RUVBL2: variants seen among roughly 807,000 people sequenced by gnomAD.
The protein encoded by RUVBL2 is RuvB like AAA ATPase 2, also known as ruvB-like 2.
In RUVBL2, 9 loss-of-function variants were observed where a neutral mutation model predicts 57.9. The observed-to-expected ratio is 0.16, with a 90% CI of 0.09 to 0.27. RUVBL2 has a LOEUF of 0.27. Ranked by LOEUF, RUVBL2 falls within the 10% of genes least tolerant of loss-of-function variation. The pLI is 1.00. For missense variants in RUVBL2, 456 were observed against 669.6 expected (o/e 0.68, Z 3.52); for synonymous variants, 278 against 264.6 (o/e 1.05, Z -0.49).
In RUVBL2 at chr19:49,007,014, C is replaced by T. The variant is rs1432443616; in HGVS notation, c.266-4C>T. 3 of 1,612,544 alleles carry T rather than the reference C, an allele frequency of 1.9e-6. No individual in the cohort carries two copies. Among genetic ancestry groups the T allele is most frequent in the Admixed American group, 1.7e-5 (1 of 60,012 alleles). ...TTCACCTACACAGACTGCCTCCTTCCCAGGCATGGCGCAGGCCCTGGGCCC... is the reference window on the plus strand; with the variant it reads ...TTCACCTACACAGACTGCCTCCTTCTCAGGCATGGCGCAGGCCCTGGGCCC... On this transcript the variant is annotated splice_region_variant and splice_polypyrimidine_tract_variant and intron_variant, in intron 4 of 14. Coordinates refer to ENST00000595090, the MANE Select transcript of RUVBL2 (RefSeq NM_006666.3).
chr19:48,999,493 C>T (rs1345176017), intron 2 of RUVBL2, 120 bp downstream of exon 2: 2 of 983,080 alleles, frequency 2.0e-6, no homozygotes, highest in Admixed American at 1.9e-5. Context: ...ACTGTGCCCC[C>T]ACTACCATTC....
chr19:49,010,248 G>A (rs765215206), intron 8 of RUVBL2, 182 bp downstream of exon 8: 34 of 712,078 alleles, frequency 4.8e-5, no homozygotes, highest in African/African-American at 1.4e-4. Context: ...CTATAGCTTC[G>A]CATGGCCACA....
At chr19:49,004,557 CAT>C in intron 4 of RUVBL2, 139 bp downstream of exon 4, 2 of 849,318 alleles carry the variant, frequency 2.4e-6, no homozygotes, top group Non-Finnish European at 3.6e-6. Context: ...CATTCTTGCC[CAT>C]GGAAGAATCT....
Position 49,007,058 on chromosome 19 carries a change from C to G in RUVBL2, c.306C>G (p.Ala102=), listed in dbSNP as rs1470225823. 6.2e-7 allele frequency: 1 copy of G among 1,613,074 alleles called. No individual in the cohort carries two copies. The highest frequency in any genetic ancestry group is 8.5e-7 in the Non-Finnish European group (1 of 1,180,046). ...TGGGCCCTGACACGCCATTCACAGC[C>G]ATCGCCGGCAGTGAAATCTTCTCCC... ...QALGPDTPFT[A]IAGSEIFSLE... Residue 102 remains alanine (A), a synonymous_variant, in exon 5 of 15, where the codon GCC becomes GCG. Coordinates refer to ENST00000595090, the MANE Select transcript of RUVBL2 (RefSeq NM_006666.3).
chr19:48,995,189 A>G (rs1319921050), intron 1 of RUVBL2, among the ~76,000 whole-genome samples: 1 of 151,858 alleles, frequency 6.6e-6, no homozygotes, highest in Non-Finnish European at 1.5e-5. Flanking sequence ...TTTTGAAATG[A>G]CCTTGGTTTT....
rs1419302460 is a variant in RUVBL2 at position 49,009,839 on chromosome 19, A to G, written c.526A>G (p.Thr176Ala). The G allele has an allele frequency of 6.2e-7, 1 of 1,613,960 alleles. No homozygotes were observed. Among genetic ancestry groups the G allele is most frequent in the Non-Finnish European group, 8.5e-7 (1 of 1,180,016 alleles). The change falls in exon 7 of 15, where the codon ACC (threonine) becomes GCC (alanine). Residue 176 changes from threonine to alanine, a missense_variant. Physicochemically the swap from Thr to Ala is moderately conservative, Grantham distance 58. Transcript: ENST00000595090. The stretch of plus-strand genomic sequence containing the variant: ...GATGGAGACCATCTACGACCTGGGC[A>G]CCAAGATGATTGAGTCCCTGACCAA... ...TEMETIYDLG[T>A]KMIESLTKDK...
At chr19:48,996,909 T>A (rs1200305128) in intron 1 of RUVBL2, among the ~76,000 whole-genome samples, 1 of 151,990 alleles carries the variant, frequency 6.6e-6, no homozygotes, top group African/African-American at 2.4e-5. Flanking sequence ...GTGATTTGCC[T>A]GCTTCAGCCT....
chr19:48,993,700 T>C (rs755412171), upstream of RUVBL2: 208 of 627,390 alleles, frequency 3.3e-4, no homozygotes, highest in Non-Finnish European at 5.4e-4. Flanking sequence ...CCAGGAGACA[T>C]TGGGAATGGA....
At position 49,011,680 on chromosome 19, in the gene RUVBL2, C is replaced by G. The variant is rs1448558349; in HGVS notation, c.1001+370C>G. On this transcript the variant is annotated intron_variant, in intron 11 of 14. Coordinates refer to ENST00000595090, the MANE Select transcript of RUVBL2 (RefSeq NM_006666.3). This position sits in a 1 kb window ranked among gnomAD's most constrained non-coding sequence, Gnocchi z 4.4. ...ATAAACTACGATTGTTCAGTCACTTCGACCCAGCAACTCCATTAACAGAAC... is the reference window on the plus strand; with the variant it reads ...ATAAACTACGATTGTTCAGTCACTTGGACCCAGCAACTCCATTAACAGAAC... Among the ~76,000 whole-genome samples the G allele has an allele frequency of 1.3e-5, 2 of 152,192 alleles. No homozygotes were observed. Among genetic ancestry groups the G allele is most frequent in the Admixed American group, 6.5e-5 (1 of 15,276 alleles).
rs758109001 is a variant in RUVBL2 at position 49,015,146 on chromosome 19, G to A, written c.1247G>A (p.Arg416His). 3.1e-6 allele frequency: 5 copies of A among 1,606,850 alleles called. No homozygotes were observed. The highest frequency in any genetic ancestry group is 4.5e-5 in the East Asian group (2 of 44,314). ...GCTGCCAGCTTGGTGTGCCGGAAAC[G>A]CAAGGTCAGCCGGCCGAATTAGCCA... Reference protein sequence around the residue: ...ITAASLVCRKRKGTEVQVDDI... With the variant: ...ITAASLVCRKHKGTEVQVDDI... Residue 416 changes from arginine to histidine, a missense_variant, in exon 13 of 15, where the codon CGC (arginine) becomes CAC (histidine). Arg to His is a conservative substitution (Grantham distance 29, BLOSUM62 0). Transcript: ENST00000595090.
upstream of RUVBL2, chr19:48,993,538 T>C (rs934903340): frequency 9.0e-6 from 4 of 444,886 alleles, no homozygotes; most frequent in Non-Finnish European, 1.7e-5. Context: ...GCTCTGTCAA[T>C]CTGGAGCTGG....
Position 49,014,515 on chromosome 19 carries a change from G to A in RUVBL2, c.1033G>A (p.Gly345Ser), listed in dbSNP as rs780165337. ...GGGCACCAGCTACCAGAGCCCTCAC[G>A]GCATCCCCATAGACCTGCTGGACCG... ...IRGTSYQSPH[G>S]IPIDLLDRLL... The change falls in exon 12 of 15, where the codon GGC (glycine) becomes AGC (serine). Residue 345 changes from glycine (G) to serine (S), a missense_variant. Physicochemically the swap from Gly to Ser is moderately conservative, Grantham distance 56. Transcript: ENST00000595090. 4 of 1,614,058 alleles carry A rather than the reference G, an allele frequency of 2.5e-6. No individual in the cohort carries two copies. Among genetic ancestry groups the A allele is most frequent in the Non-Finnish European group, 3.4e-6 (4 of 1,179,972 alleles).
intron 1 of RUVBL2, among the ~76,000 whole-genome samples, chr19:48,996,474 C>T (rs138644302): frequency 0.076 from 11,291 of 149,018 alleles, 459 homozygotes; most frequent in Middle Eastern, 0.11. Flanking sequence ...TACAGGTGCG[C>T]GTCACCACGC....
intron 8 of RUVBL2, 28 bp downstream of exon 8, chr19:49,010,094 C>T (rs760748718): frequency 1.9e-5 from 30 of 1,596,796 alleles, no homozygotes; most frequent in Middle Eastern, 1.7e-4. Context: ...GGGATCCCCT[C>T]GCCCCCAGCA....
chr19:49,000,631 G>A (rs1307006491), intron 2 of RUVBL2, among the ~76,000 whole-genome samples: 2 of 151,462 alleles, frequency 1.3e-5, no homozygotes, highest in East Asian at 1.9e-4. Context: ...TTGGGAGGCC[G>A]AGGCGGGTGG....
chr19:48,993,902 G>A lies in RUVBL2; in HGVS notation c.-10G>A. The A allele has an allele frequency of 6.2e-7, 1 of 1,614,144 alleles. No homozygotes were observed. Among genetic ancestry groups the A allele is most frequent in the Non-Finnish European group, 8.5e-7 (1 of 1,180,026 alleles). On this transcript the variant is annotated 5_prime_UTR_variant, in exon 1 of 15. Coordinates refer to ENST00000595090, the MANE Select transcript of RUVBL2 (RefSeq NM_006666.3). ...CGTTTCCGCTAGGACTCTGGCAGTT[G>A]GTGAGCATCATGGCAACCGTTGTAA...
At chr19:49,015,275 C>T in intron 13 of RUVBL2, 125 bp downstream of exon 13, 2 of 1,349,852 alleles carry the variant, frequency 1.5e-6, no homozygotes, top group Non-Finnish European at 2.0e-6. Flanking sequence ...ATTTTCATCC[C>T]TCAGGTTGGC....
rs1568640376 is a variant in RUVBL2, at chr19:49,010,468, C to CCT, written c.664-19_664-18insTC. On this transcript the variant is annotated intron_variant, in intron 8 of 14. Transcript: ENST00000595090. ...TCCCTGCCCTGTCTCCGCCGTTCTTCCCCCACCCCCGCCCCATAGACCAAG... is the reference window on the plus strand; with the variant it reads ...TCCCTGCCCTGTCTCCGCCGTTCTTCCTCCCCACCCCCGCCCCATAGACCAAG... The CCT allele has an allele frequency of 5.0e-6, 4 of 807,068 alleles. No individual in the cohort carries two copies. The highest frequency in any genetic ancestry group is 2.4e-5 in the Admixed American group (1 of 41,160). The allele number at this position is 807,068 out of a possible 1,614,324, so 50.0% of individuals were successfully genotyped here.
At position 49,010,594 on chromosome 19, in the gene RUVBL2, T is replaced by A. The variant is rs2039397481; in HGVS notation, c.770T>A (p.Phe257Tyr). The A allele has an allele frequency of 1.2e-6, 2 of 1,609,382 alleles. No individual in the cohort carries two copies. Among genetic ancestry groups the A allele is most frequent in the Admixed American group, 3.3e-5 (2 of 59,762 alleles). ...IDVINSRTQG[F>Y]LALFSGDTGE... ...GTCATCAACTCTCGCACCCAGGGCT[T>A]CCTGGCGCTCTTCTCAGGTGAGGCC... The change falls in exon 9 of 15, where the codon TTC becomes TAC. Residue 257 changes from phenylalanine (F) to tyrosine (Y), a missense_variant. Around this residue, in one of 5 missense-constraint regions of RUVBL2, gnomAD observed 130 missense variants for 243.0 expected, o/e 0.53. Transcript: ENST00000595090.
Sources: gnomAD v4.1 joint callset for allele counts (sites outside exome capture counted in the v4.1 genomes callset) on GRCh38, gnomAD v4.1.1 for gene constraint, gnomAD v4.1.1 regional missense constraint, Gnocchi (gnomAD v3.1) non-coding constraint, MANE v1.5 for transcripts, NCBI Gene and HGNC (gene_info 2026-07-23, HGNC 2026-07-21) for gene names.